Variants in OPCML observed in about 807,000 individuals in gnomAD.
OPCML encodes the protein opioid binding protein/cell adhesion molecule like, also known as opioid-binding protein/cell adhesion molecule.
In OPCML, 13 loss-of-function variants were observed where a neutral mutation model predicts 37.8. That is an observed-to-expected ratio of 0.34 (90% CI 0.22 to 0.55). The LOEUF (loss-of-function observed/expected upper bound fraction) is 0.55. Among genes scored for constraint, OPCML ranks in the 20% least tolerant of loss-of-function variants. The pLI, the probability that OPCML is intolerant of heterozygous loss-of-function variation, is 0.91. For missense variants in OPCML, 341 were observed against 435.6 expected, an observed-to-expected ratio of 0.78 and a Z score of 1.93; for synonymous variants, 176 against 168.8, an observed-to-expected ratio of 1.04 and a Z score of -0.33.
chr11:133,398,625 A>G (rs901425323), intron 1 of OPCML, among the ~76,000 whole-genome samples: 1 of 152,204 alleles, frequency 6.6e-6, no homozygotes, highest in African/African-American at 2.4e-5. Context: ...AAAAAAATCT[A>G]AAGAGATGCA....
At chr11:133,121,904 T>C (rs1380708215) in intron 1 of OPCML, among the ~76,000 whole-genome samples, 2 of 152,148 alleles carry the variant, frequency 1.3e-5, no homozygotes, top group Non-Finnish European at 2.9e-5. Context: ...AACATTTCTG[T>C]CCCCAGGAAA....
At chr11:132,731,385 C>A (rs912191192) in intron 2 of OPCML, among the ~76,000 whole-genome samples, 1 of 152,134 alleles carries the variant, frequency 6.6e-6, no homozygotes, top group African/African-American at 2.4e-5. Flanking sequence ...TCCAAGTCAA[C>A]CTTAGTCTAA....
chr11:132,488,801 C>T (rs1282123957), intron 4 of OPCML, among the ~76,000 whole-genome samples: 1 of 151,732 alleles, frequency 6.6e-6, no homozygotes. Flanking sequence ...TGGGTAGATC[C>T]CTTGGATAAT....
chr11:132,636,058 A>T (rs1358603904), intron 3 of OPCML, among the ~76,000 whole-genome samples: 1 of 152,176 alleles, frequency 6.6e-6, no homozygotes, highest in African/African-American at 2.4e-5. Context: ...GCTTCCATAA[A>T]TGCCTGATTG....
At position 133,415,372 on chromosome 11, in the gene OPCML, C is replaced by T. The variant is rs527470632; in HGVS notation, c.61+116892G>A. ...TTGCAGTGAGCCGAGATAGTGCCAC[C>T]GCACTCCAGCCTGGGTGACACAGTG... On this transcript the variant is annotated intron_variant, in intron 1 of 7. Coordinates refer to ENST00000524381, the MANE Select transcript of OPCML (RefSeq NM_001012393.5). 5.9e-5 allele frequency among the ~76,000 whole-genome samples: 9 copies of T among 151,660 alleles called. No individual in the cohort carries two copies. In the South Asian group the frequency reaches 1.7e-3, roughly 28 times the overall value.
rs1022554978 is a variant in OPCML at position 133,426,822 on chromosome 11, A to C, written c.61+105442T>G. On this transcript the variant is annotated intron_variant, in intron 1 of 7. Transcript: ENST00000524381. ...CCATTTTCACATTCCCCAAAAACAT[A>C]ACAGAAAGCAAGGTTAGAAATAGTA... is the stretch of plus-strand genomic sequence containing the variant. 5.8e-4 allele frequency among the ~76,000 whole-genome samples: 88 copies of C among 152,208 alleles called. 2 individuals are homozygous for C. The highest frequency in any genetic ancestry group is 8.8e-5 in the Non-Finnish European group (6 of 68,030).
At chr11:133,500,758 T>C (rs1336302816) in intron 1 of OPCML, among the ~76,000 whole-genome samples, 6 of 152,182 alleles carry the variant, frequency 3.9e-5, no homozygotes, top group Non-Finnish European at 7.3e-5. Flanking sequence ...GTTCCCAGAG[T>C]TACTCTCAAC....
intron 1 of OPCML, among the ~76,000 whole-genome samples, chr11:133,497,009 C>A (rs1037662916): frequency 8.5e-5 from 13 of 152,202 alleles, no homozygotes; most frequent in African/African-American, 2.9e-4. Context: ...TCAACTTTTC[C>A]CCATTCAGTA....
At chr11:133,499,815 T>C (rs1394541515) in intron 1 of OPCML, among the ~76,000 whole-genome samples, 2 of 141,962 alleles carry the variant, frequency 1.4e-5, no homozygotes, top group Admixed American at 1.4e-4. Context: ...TGTGTATATA[T>C]ATATACACAC....
intron 2 of OPCML, among the ~76,000 whole-genome samples, chr11:132,724,021 T>G (rs1378140371): frequency 2.0e-5 from 3 of 152,146 alleles, no homozygotes; most frequent in African/African-American, 7.2e-5. Context: ...CCAGTTGTTC[T>G]GGTGTGAAAT....
At chr11:132,826,066 T>C (rs1266482841) in intron 2 of OPCML, among the ~76,000 whole-genome samples, 1 of 152,228 alleles carries the variant, frequency 6.6e-6, no homozygotes, top group Non-Finnish European at 1.5e-5. Flanking sequence ...ACTGTTGGCA[T>C]GTAGCAGTTC....
chr11:133,430,388 A>G (rs1199451241), intron 1 of OPCML, among the ~76,000 whole-genome samples: 1 of 152,248 alleles, frequency 6.6e-6, no homozygotes, highest in Non-Finnish European at 1.5e-5. Flanking sequence ...CAAAATTGAA[A>G]TAAATCTTCA....
intron 2 of OPCML, among the ~76,000 whole-genome samples, chr11:132,694,177 GTCTTTTT>G (rs1565781251): frequency 3.3e-4 from 21 of 63,942 alleles, no homozygotes; most frequent in African/African-American, 1.2e-3. Flanking sequence ...TGAAATCAAT[GTCTTTTT>G]TTTTTTTTTT....
At chr11:132,805,028 T>C (rs1938916003) in intron 2 of OPCML, among the ~76,000 whole-genome samples, 1 of 152,130 alleles carries the variant, frequency 6.6e-6, no homozygotes, top group Non-Finnish European at 1.5e-5. Flanking sequence ...GTTCACAAAA[T>C]TATAGGAAAA....
intron 2 of OPCML, among the ~76,000 whole-genome samples, chr11:132,680,181 C>T (rs969279688): frequency 6.6e-6 from 1 of 152,132 alleles, no homozygotes; most frequent in Non-Finnish European, 1.5e-5. Flanking sequence ...TGCAATGCAC[C>T]TGCCCCTCAC....
intron 4 of OPCML, among the ~76,000 whole-genome samples, chr11:132,507,319 GAAT>G (rs2096259315): frequency 6.6e-6 from 1 of 151,852 alleles, no homozygotes; most frequent in Non-Finnish European, 1.5e-5. Context: ...TGCACAATCT[GAAT>G]AACAGAATTC....
intron 1 of OPCML, among the ~76,000 whole-genome samples, chr11:133,045,596 G>A (rs944551653): frequency 8.5e-5 from 13 of 152,302 alleles, no homozygotes; most frequent in African/African-American, 2.6e-4. Flanking sequence ...GTGGGACACC[G>A]CCTCCCCGCT....
intron 1 of OPCML, among the ~76,000 whole-genome samples, chr11:132,982,041 G>A (rs981314322): frequency 7.9e-5 from 12 of 152,104 alleles, no homozygotes; most frequent in Admixed American, 5.2e-4. Context: ...ATGTTCTGCC[G>A]AGCCTTGTCC....
chr11:133,427,514 T>A (rs1021055617), intron 1 of OPCML, among the ~76,000 whole-genome samples: 2 of 151,124 alleles, frequency 1.3e-5, no homozygotes, highest in Non-Finnish European at 1.5e-5. Context: ...GAAAGAAAAA[T>A]TTAATATCAA....
Sources: gnomAD v4.1 joint callset for allele counts (sites outside exome capture counted in the v4.1 genomes callset) on GRCh38, gnomAD v4.1.1 for gene constraint, MANE v1.5 for transcripts, NCBI Gene and HGNC (gene_info 2026-07-23, HGNC 2026-07-21) for gene names.